The following EYA4 variants were observed in gnomAD, a reference collection of about 807,000 sequenced individuals.
The protein encoded by EYA4 is EYA transcriptional coactivator and phosphatase 4.
Under a neutral mutation model 87.9 loss-of-function variants are expected in EYA4, and 31 were observed. The observed-to-expected ratio is 0.35, with a 90% CI of 0.27 to 0.48. EYA4 has a LOEUF of 0.48. EYA4 is among the 20% of genes least tolerant of loss of function. The pLI, the probability that EYA4 is intolerant of heterozygous loss-of-function variation, is 0.99. For synonymous variants in EYA4, 263 were observed against 270.6 expected (o/e 0.97, Z 0.28); for missense variants, 678 against 761.4 (o/e 0.89, Z 1.29).
At chr6:133,341,406 C>A (rs35677071) in intron 2 of EYA4, among the ~76,000 whole-genome samples, 4 of 152,100 alleles carry the variant, frequency 2.6e-5, no homozygotes, top group Admixed American at 2.0e-4. Context: ...TTTGTAGGTA[C>A]GCAGGAATAA....
Position 133,399,419 on chromosome 6 carries a change from T to A in EYA4, c.83+16978T>A, listed in dbSNP as rs117750175. ...TGGTTAGTTCACTAGATCAAGATGT[T>A]GATGTGTGGTGTAGAAAGGTGGAAA... On this transcript the variant is annotated intron_variant, in intron 3 of 19. Coordinates refer to ENST00000355286, the MANE Select transcript of EYA4 (RefSeq NM_004100.5). 3.5e-3 allele frequency among the ~76,000 whole-genome samples: 540 copies of A among 152,246 alleles called. 1 individual carries two copies. The highest frequency in any genetic ancestry group is 5.4e-3 in the Non-Finnish European group (367 of 68,020).
At position 133,431,949 on chromosome 6, in the gene EYA4, ATT is replaced by A. The variant is rs34742458; in HGVS notation, c.84-14667_84-14666del. ...CCCAATAAAATAGTCCATTTTCTTG[ATT>A]TTTTTTTTTTTTTGCCAATATCTTT... On this transcript the variant is annotated intron_variant, in intron 3 of 19. Coordinates refer to ENST00000355286, the MANE Select transcript of EYA4 (RefSeq NM_004100.5). Among the ~76,000 whole-genome samples the A allele has an allele frequency of 6.2e-3, 886 of 143,824 alleles. 7 individuals are homozygous for A. Among genetic ancestry groups the A allele is most frequent in the African/African-American group, 0.015 (595 of 38,998 alleles). 94.4% of individuals were successfully genotyped at this position (143,824 alleles called of 152,430 possible).
rs1460798047 is a variant in EYA4, at chr6:133,531,657, C to T, written c.*2852C>T. ...TAGCATACAATTAGGACACTATGCC[C>T]CTGCAAAATTTTGTAAATCAAATTC... On this transcript the variant is annotated 3_prime_UTR_variant, in exon 20 of 20. Transcript: ENST00000355286. 1 of 158,092 alleles carries T rather than the reference C, an allele frequency of 6.3e-6. No individual in the cohort carries two copies. The highest frequency in any genetic ancestry group is 1.4e-5 in the Non-Finnish European group (1 of 71,934). 9.8% of individuals were successfully genotyped at this position (158,092 alleles called of 1,614,324 possible).
chr6:133,448,286 A>C, intron 5 of EYA4, 107 bp downstream of exon 5: 1 of 850,684 alleles, frequency 1.2e-6, no homozygotes, highest in South Asian at 1.4e-5. Flanking sequence ...TGTGTTCAGT[A>C]CTTAAAAAGG....
chr6:133,303,125 G>A (rs1217830800), intron 2 of EYA4, among the ~76,000 whole-genome samples: 2 of 152,092 alleles, frequency 1.3e-5, no homozygotes, highest in Non-Finnish European at 2.9e-5. Flanking sequence ...TTGTTTACTT[G>A]TTCTTGATTC....
At chr6:133,517,432 AAG>A (rs1365560426) in intron 17 of EYA4, among the ~76,000 whole-genome samples, 1 of 152,202 alleles carries the variant, frequency 6.6e-6, no homozygotes, top group Non-Finnish European at 1.5e-5. Context: ...GTTTTAAAAA[AAG>A]AAGAAAAAAG....
intron 1 of EYA4, among the ~76,000 whole-genome samples, chr6:133,271,809 G>A (rs1176234738): frequency 1.3e-5 from 2 of 152,188 alleles, no homozygotes; most frequent in Non-Finnish European, 2.9e-5. Context: ...AGGCTGAGTG[G>A]TGTCCACAGA....
intron 1 of EYA4, among the ~76,000 whole-genome samples, chr6:133,257,970 T>C (rs1362769992): frequency 6.6e-6 from 1 of 152,230 alleles, no homozygotes; most frequent in Non-Finnish European, 1.5e-5. Flanking sequence ...TTAGGGACTA[T>C]GAATATTCTG....
intron 5 of EYA4, among the ~76,000 whole-genome samples, chr6:133,450,644 CAG>C (rs1312114336): frequency 1.3e-5 from 2 of 152,170 alleles, no homozygotes; most frequent in Non-Finnish European, 2.9e-5. Flanking sequence ...GCTGGGACTA[CAG>C]ACACACGCCA....
At chr6:133,282,462 T>G (rs562991788) in intron 2 of EYA4, among the ~76,000 whole-genome samples, 1 of 152,328 alleles carries the variant, frequency 6.6e-6, no homozygotes, top group Non-Finnish European at 1.5e-5. Flanking sequence ...TATATTTTTG[T>G]GTGAGTTTAT....
At chr6:133,285,955 G>A (rs1465605115) in intron 2 of EYA4, among the ~76,000 whole-genome samples, 1 of 152,178 alleles carries the variant, frequency 6.6e-6, no homozygotes, top group Non-Finnish European at 1.5e-5. Context: ...CAGAGACATT[G>A]CTGTGTTTTC....
Position 133,462,425 on chromosome 6 carries a change from C to G in EYA4, c.528C>G (p.Ala176=). 6.2e-7 allele frequency: 1 copy of G among 1,613,990 alleles called. No individual in the cohort carries two copies. The highest frequency in any genetic ancestry group is 1.1e-5 in the South Asian group (1 of 91,070). ...QTQYSGMQQP[A]VYTAYSQTGQ... is the part of the protein sequence containing the mutation. ...AGTATTCGGGGATGCAGCAGCCAGC[C>G]GTCTACACAGCCTACTCACAGACAG... is the stretch of plus-strand genomic sequence containing the variant. The change falls in exon 8 of 20, where the codon GCC becomes GCG. Residue 176 remains alanine (A), a synonymous_variant. Transcript: ENST00000355286.
intron 3 of EYA4, among the ~76,000 whole-genome samples, chr6:133,408,766 A>G (rs1788955211): frequency 6.6e-6 from 1 of 152,204 alleles, no homozygotes; most frequent in Admixed American, 6.5e-5. Flanking sequence ...AGTGTTAGTC[A>G]TGATGTCATG....
chr6:133,502,356 TAAA>T (rs895806490), intron 13 of EYA4: 1 of 151,728 alleles, frequency 6.6e-6, no homozygotes, highest in African/African-American at 2.4e-5. Context: ...AAATGCAAAT[TAAA>T]AAAAAGCAAC....
intron 3 of EYA4, among the ~76,000 whole-genome samples, chr6:133,437,247 T>A (rs1215050286): frequency 2.6e-5 from 4 of 152,220 alleles, no homozygotes; most frequent in Non-Finnish European, 5.9e-5. Context: ...AGCAGATCCT[T>A]ATATTGACTT....
At chr6:133,254,763 A>G (rs1775204002) in intron 1 of EYA4, among the ~76,000 whole-genome samples, 1 of 152,152 alleles carries the variant, frequency 6.6e-6, no homozygotes, top group Admixed American at 6.6e-5. Flanking sequence ...CAGAAGAGAG[A>G]TCTAGCCTAA....
Position 133,462,739 on chromosome 6 carries a change from G to A in EYA4, c.699G>A (p.Gln233=). The change falls in exon 9 of 20, where the codon CAG becomes CAA. Residue 233 remains glutamine, a synonymous_variant. Coordinates refer to ENST00000355286, the MANE Select transcript of EYA4 (RefSeq NM_004100.5). ...GGTTCTCTACCCCACAGCCAGGCCA[G>A]ACACCTTATTCTTACCAAATGCCAG... is the stretch of plus-strand genomic sequence containing the variant. ...SPGFSTPQPG[Q]TPYSYQMPGS... 1 of 1,613,914 alleles carries A rather than the reference G, an allele frequency of 6.2e-7. No homozygotes were observed. Among genetic ancestry groups the A allele is most frequent in the South Asian group, 1.1e-5 (1 of 91,084 alleles).
intron 11 of EYA4, among the ~76,000 whole-genome samples, chr6:133,475,200 G>A (rs931702372): frequency 3.9e-5 from 6 of 152,028 alleles, no homozygotes; most frequent in Non-Finnish European, 8.8e-5. Flanking sequence ...CTGATTAAGA[G>A]CAGACATTTT....
chr6:133,438,595 C>T (rs987828241), intron 3 of EYA4, among the ~76,000 whole-genome samples: 10 of 151,744 alleles, frequency 6.6e-5, no homozygotes, highest in Non-Finnish European at 1.5e-4. Flanking sequence ...TGGACGCTTA[C>T]TGTACTTTAA....
Sources: allele counts gnomAD v4.1 joint callset (sites outside exome capture counted in the v4.1 genomes callset), GRCh38; gene constraint gnomAD v4.1.1; transcripts MANE v1.5; gene names NCBI Gene and HGNC (gene_info 2026-07-23, HGNC 2026-07-21).